The following HADHA variants were observed in gnomAD, a reference collection of about 807,000 sequenced individuals.
HADHA encodes trifunctional enzyme subunit alpha, mitochondrial.
In HADHA, 59 loss-of-function variants were observed where a neutral mutation model predicts 91.3. The ratio of observed to expected loss-of-function variants is 0.65; its 90% CI spans 0.52 to 0.80. HADHA has a LOEUF of 0.80. Ranked by LOEUF, HADHA falls within the 30% of genes least tolerant of loss-of-function variation. The probability of loss-of-function intolerance (pLI) is 0.00; values close to 1 mark genes in which losing one functional copy is unlikely to be tolerated. For missense variants in HADHA, 800 were observed against 927.6 expected, an observed-to-expected ratio of 0.86 and a Z score of 1.79; for synonymous variants, 320 against 338.9, an observed-to-expected ratio of 0.94 and a Z score of 0.61.
chr2:26,236,451 C>G (rs536632366), intron 4 of HADHA, among the ~76,000 whole-genome samples: 1 of 150,004 alleles, frequency 6.7e-6, no homozygotes, highest in Non-Finnish European at 1.5e-5. Flanking sequence ...GACAGTCTCA[C>G]TCTGTCACCC....
At chr2:26,220,299 G>C (rs1281968045) in intron 7 of HADHA, among the ~76,000 whole-genome samples, 1 of 152,190 alleles carries the variant, frequency 6.6e-6, no homozygotes, top group Admixed American at 6.5e-5. Flanking sequence ...TCAGCAATGA[G>C]TAATATCACT....
intron 11 of HADHA, among the ~76,000 whole-genome samples, chr2:26,207,454 ATTTC>A (rs1669998304): frequency 6.6e-6 from 1 of 151,944 alleles, no homozygotes; most frequent in African/African-American, 2.4e-5. Flanking sequence ...AATATTACTC[ATTTC>A]TTAACTGTTA....
chr2:26,201,399 C>A, intron 12 of HADHA, 79 bp from the exon 13 acceptor site: 1 of 952,368 alleles, frequency 1.1e-6, no homozygotes, highest in Admixed American at 1.9e-5. Context: ...CAGAGCACAC[C>A]TGTGTTTTTC....
intron 7 of HADHA, among the ~76,000 whole-genome samples, chr2:26,223,800 G>A (rs1423449179): frequency 3.3e-5 from 5 of 152,282 alleles, no homozygotes; most frequent in East Asian, 3.9e-4. Context: ...AGGCTGGAGT[G>A]CAATGGTACA....
chr2:26,201,751 G>C (rs144428181), intron 12 of HADHA, among the ~76,000 whole-genome samples: 1 of 152,054 alleles, frequency 6.6e-6, no homozygotes, highest in East Asian at 1.9e-4. Flanking sequence ...TTTGCTTATC[G>C]CAAATATATA....
At chr2:26,212,726 A>G in intron 9 of HADHA, 100 bp from the exon 10 acceptor site, 1 of 813,478 alleles carries the variant, frequency 1.2e-6, no homozygotes, top group Admixed American at 1.7e-5. Context: ...CTCAAAGAGT[A>G]AGTCAAAAGT....
intron 12 of HADHA, among the ~76,000 whole-genome samples, chr2:26,203,543 A>G (rs1669906439): frequency 6.6e-6 from 1 of 152,198 alleles, no homozygotes; most frequent in Admixed American, 6.5e-5. Context: ...GGATCAGTTC[A>G]TGGCTTCTCT....
chr2:26,209,834 T>C lies in HADHA; in HGVS notation c.1031A>G (p.His344Arg). The C allele has an allele frequency of 1.2e-6, 2 of 1,608,556 alleles. No individual in the cohort carries two copies. Among genetic ancestry groups the C allele is most frequent in the Non-Finnish European group, 1.7e-6 (2 of 1,174,966 alleles). The stretch of plus-strand genomic sequence containing the variant: ...ATTCTTCTTGCACAGGACCTGACCA[T>C]GGTAGAGTCCCATCAAGGCCTTTGA... Reference protein sequence around the residue: ...KESKALMGLYHGQVLCKKNKF... With the variant: ...KESKALMGLYRGQVLCKKNKF... The change falls in exon 11 of 20, where the codon CAT becomes CGT. Residue 344 changes from histidine (H) to arginine (R), a missense_variant. Physicochemically the swap from His to Arg is conservative, Grantham distance 29. Coordinates refer to ENST00000380649, the MANE Select transcript of HADHA (RefSeq NM_000182.5).
rs1236348912 is a variant in HADHA at position 26,214,099 on chromosome 2, G to C, written c.918+344C>G. 6.6e-6 allele frequency among the ~76,000 whole-genome samples: 1 copy of C among 152,218 alleles called. No individual in the cohort carries two copies. The highest frequency in any genetic ancestry group is 1.5e-5 in the Non-Finnish European group (1 of 68,030). Reference sequence around the variant, plus strand: ...AATGATGTTGACCAAGAATAGAACAGAGCCATCAATTTTGTTTCAACTACT... The same window carrying C: ...AATGATGTTGACCAAGAATAGAACACAGCCATCAATTTTGTTTCAACTACT... On this transcript the variant is annotated intron_variant, in intron 9 of 19. Coordinates refer to ENST00000380649, the MANE Select transcript of HADHA (RefSeq NM_000182.5). The surrounding 1 kb of genome is among the most constrained non-coding windows in gnomAD (Gnocchi z 4.1).
At chr2:26,206,458 A>C (rs1264195356) in intron 11 of HADHA, among the ~76,000 whole-genome samples, 1 of 152,062 alleles carries the variant, frequency 6.6e-6, no homozygotes, top group Non-Finnish European at 1.5e-5. Context: ...CGAACTCCTG[A>C]CCTCAGGTGA....
chr2:26,241,177 A>G (rs537562128), intron 1 of HADHA, among the ~76,000 whole-genome samples: 4 of 152,352 alleles, frequency 2.6e-5, no homozygotes, highest in African/African-American at 9.6e-5. Context: ...AAACCTCATA[A>G]GACTACAGTC....
intron 11 of HADHA, among the ~76,000 whole-genome samples, chr2:26,209,077 G>T (rs1670033205): frequency 6.6e-6 from 1 of 152,088 alleles, no homozygotes; most frequent in Non-Finnish European, 1.5e-5. Context: ...TTTATGGTGG[G>T]GACTATCTGT....
In HADHA at chr2:26,210,547, T is replaced by A. The variant is rs1453374346; in HGVS notation, c.976-658A>T. 6.5e-6 allele frequency: 1 copy of A among 153,328 alleles called. No homozygotes were observed. Among genetic ancestry groups the A allele is most frequent in the Non-Finnish European group, 1.5e-5 (1 of 68,870 alleles). The allele number at this position is 153,328 out of a possible 1,614,324, so 9.5% of individuals were successfully genotyped here. Reference sequence around the variant, plus strand: ...CTGTAGTAGAGATGGGGTTTCACCGTGTTAGCCAGGATGGTCTCGATCTCC... The same window carrying A: ...CTGTAGTAGAGATGGGGTTTCACCGAGTTAGCCAGGATGGTCTCGATCTCC... On this transcript the variant is annotated intron_variant, in intron 10 of 19. Coordinates refer to ENST00000380649, the MANE Select transcript of HADHA (RefSeq NM_000182.5). The surrounding 1 kb of genome is among the most constrained non-coding windows in gnomAD (Gnocchi z 4.0).
chr2:26,236,792 T>C, intron 4 of HADHA, 63 bp downstream of exon 4: 1 of 1,271,402 alleles, frequency 7.9e-7, no homozygotes. Flanking sequence ...GGAGAAATTA[T>C]TAGGCCTAAG....
intron 6 of HADHA, among the ~76,000 whole-genome samples, chr2:26,231,632 T>C (rs1670625481): frequency 6.6e-6 from 1 of 152,214 alleles, no homozygotes; most frequent in South Asian, 2.1e-4. Flanking sequence ...TAGTTATCTT[T>C]ATCCTTCCTC....
At position 26,239,495 on chromosome 2, in the gene HADHA, G is replaced by T. The variant is rs190736171; in HGVS notation, c.68-352C>A. Among the ~76,000 whole-genome samples, 16 of 152,258 alleles carry T rather than the reference G, an allele frequency of 1.1e-4. No homozygotes were observed. The East Asian group carries it at 3.1e-3, about 29-fold the overall frequency. ...GTGGGCCCAGTGTAATCACAAAAGGGAAGAGGGAAGCAAAGAGAACCAAAG... is the reference window on the plus strand; with the variant it reads ...GTGGGCCCAGTGTAATCACAAAAGGTAAGAGGGAAGCAAAGAGAACCAAAG... On this transcript the variant is annotated intron_variant, in intron 1 of 19. Coordinates refer to ENST00000380649, the MANE Select transcript of HADHA (RefSeq NM_000182.5).
intron 1 of HADHA, among the ~76,000 whole-genome samples, chr2:26,240,981 C>T (rs1355182009): frequency 6.6e-6 from 1 of 152,192 alleles, no homozygotes; most frequent in Admixed American, 6.5e-5. Context: ...CCAGAGTCAA[C>T]CAAATCAAGT....
intron 7 of HADHA, among the ~76,000 whole-genome samples, chr2:26,220,433 AG>A (rs1221006723): frequency 1.3e-5 from 2 of 152,232 alleles, no homozygotes; most frequent in Admixed American, 6.5e-5. Flanking sequence ...GGGACTGCAG[AG>A]ATTAGTGTCA....
At chr2:26,237,776 A>G (rs1670796557) in intron 3 of HADHA, among the ~76,000 whole-genome samples, 1 of 152,146 alleles carries the variant, frequency 6.6e-6, no homozygotes, top group Non-Finnish European at 1.5e-5. Context: ...CTTCTTTATA[A>G]TTTTTTATAG....
Sources: gnomAD v4.1 joint callset for allele counts (sites outside exome capture counted in the v4.1 genomes callset) on GRCh38, gnomAD v4.1.1 for gene constraint, Gnocchi (gnomAD v3.1) non-coding constraint, MANE v1.5 for transcripts, NCBI Gene and HGNC (gene_info 2026-07-23, HGNC 2026-07-21) for gene names.